CSNK1A1: variants seen among roughly 807,000 people sequenced by gnomAD.
The protein encoded by CSNK1A1 is casein kinase I isoform alpha.
Under a neutral mutation model 46.1 loss-of-function variants are expected in CSNK1A1, and 7 were observed. That is an observed-to-expected ratio of 0.15 (90% confidence interval 0.09 to 0.29). The LOEUF is 0.29. Ranked by LOEUF, CSNK1A1 falls within the 10% of genes least tolerant of loss-of-function variation. The probability of loss-of-function intolerance (pLI) is 1.00; values close to 1 mark genes in which losing one functional copy is unlikely to be tolerated. For missense variants in CSNK1A1, 96 were observed against 417.1 expected (o/e 0.23, Z 6.71); for synonymous variants, 137 against 141.5 (o/e 0.97, Z 0.23).
chr5:149,510,899 T>G (rs183739252), intron 6 of CSNK1A1, among the ~76,000 whole-genome samples: 15 of 152,334 alleles, frequency 9.8e-5, no homozygotes, highest in African/African-American at 3.4e-4. Context: ...AGTCACAATA[T>G]TTTTCTAAAC....
In CSNK1A1 at chr5:149,504,826, AT is replaced by A. The variant is rs1760975276; in HGVS notation, c.1006+620del. 3 of 985,328 alleles carry A rather than the reference AT, an allele frequency of 3.0e-6. No homozygotes were observed. The South Asian group carries it at 1.4e-4, about 46-fold the overall frequency. 61.0% of individuals were successfully genotyped at this position (985,328 alleles called of 1,614,324 possible). On this transcript the variant is annotated intron_variant, in intron 9 of 9. Transcript: ENST00000377843. ...TACGTAAACTGCAAATAAAAGAATT[AT>A]TTTTGTGACTAGAAAAGATGTGCTG...
chr5:149,535,421 T>C (rs1284056261), intron 2 of CSNK1A1, among the ~76,000 whole-genome samples: 2 of 152,232 alleles, frequency 1.3e-5, no homozygotes, highest in South Asian at 2.1e-4. Flanking sequence ...TCCAAAGCCA[T>C]TACCACCCAC....
intron 2 of CSNK1A1, among the ~76,000 whole-genome samples, chr5:149,546,681 G>A (rs1169011305): frequency 1.1e-4 from 17 of 150,616 alleles, no homozygotes; most frequent in African/African-American, 4.1e-4. Flanking sequence ...AGAAAACATA[G>A]GGAAGGGATT....
intron 2 of CSNK1A1, among the ~76,000 whole-genome samples, chr5:149,547,937 C>T (rs985409147): frequency 2.6e-5 from 4 of 151,882 alleles, no homozygotes; most frequent in African/African-American, 9.7e-5. Context: ...GTGGCGCCAT[C>T]TCAGCTTACT....
chr5:149,548,659 G>A (rs1030514187), intron 2 of CSNK1A1, among the ~76,000 whole-genome samples: 10 of 152,158 alleles, frequency 6.6e-5, no homozygotes, highest in East Asian at 1.9e-4. Flanking sequence ...TCAGGAGTTC[G>A]AGCCCAGCCT....
At chr5:149,523,675 CA>C (rs1164264348) in intron 3 of CSNK1A1, among the ~76,000 whole-genome samples, 3 of 152,108 alleles carry the variant, frequency 2.0e-5, no homozygotes, top group Non-Finnish European at 2.9e-5. Context: ...GAATTATAGA[CA>C]AAGTTTTTTC....
chr5:149,512,023 A>T (rs1176564888), intron 5 of CSNK1A1, among the ~76,000 whole-genome samples, 151 bp from the exon 6 acceptor site: 1 of 152,182 alleles, frequency 6.6e-6, no homozygotes, highest in Non-Finnish European at 1.5e-5. Flanking sequence ...AGGTGATTTT[A>T]AAAAGTTCAT....
chr5:149,498,237 T>G (rs575111173), intron 9 of CSNK1A1: 255 of 985,330 alleles, frequency 2.6e-4, no homozygotes, highest in African/African-American at 2.1e-3. Context: ...CTTTTTTTTT[T>G]TGGGAAATAA....
intron 2 of CSNK1A1, among the ~76,000 whole-genome samples, chr5:149,543,204 G>A (rs1762358641): frequency 6.6e-6 from 1 of 152,174 alleles, no homozygotes; most frequent in Admixed American, 6.5e-5. Context: ...GATGTGGAGT[G>A]TGTGAGAGGG....
chr5:149,545,842 A>G, intron 2 of CSNK1A1: 1 of 377,368 alleles, frequency 2.6e-6, no homozygotes, highest in South Asian at 3.3e-5. Flanking sequence ...CTAGAACCGG[A>G]AGCTTCATTT....
At chr5:149,548,590 G>A (rs755277640) in intron 2 of CSNK1A1, among the ~76,000 whole-genome samples, 8 of 151,580 alleles carry the variant, frequency 5.3e-5, no homozygotes, top group Admixed American at 1.3e-4. Flanking sequence ...GCCGGGCACA[G>A]TGGCTCATGC....
chr5:149,514,536 T>G (rs1761338669), intron 4 of CSNK1A1, among the ~76,000 whole-genome samples: 1 of 152,206 alleles, frequency 6.6e-6, no homozygotes, highest in South Asian at 2.1e-4. Flanking sequence ...TGTTCTCTAG[T>G]TACTCCTAAA....
In CSNK1A1 at chr5:149,550,985, G is replaced by C; in HGVS notation, c.-21C>G. On this transcript the variant is annotated 5_prime_UTR_variant, in exon 1 of 10. Transcript: ENST00000377843. This position sits in a 1 kb window ranked among gnomAD's most constrained non-coding sequence, Gnocchi z 4.3. The stretch of plus-strand genomic sequence containing the variant: ...GCCATCCTGAGAGACGAAGATGGAG[G>C]CTGGGGCCAAGCCCCGACACCTCTG... The C allele has an allele frequency of 6.2e-7, 1 of 1,613,550 alleles. No homozygotes were observed. Among genetic ancestry groups the C allele is most frequent in the Non-Finnish European group, 8.5e-7 (1 of 1,179,862 alleles).
At chr5:149,507,876 A>G (rs1015533752) in intron 7 of CSNK1A1, among the ~76,000 whole-genome samples, 1 of 152,160 alleles carries the variant, frequency 6.6e-6, no homozygotes, top group African/African-American at 2.4e-5. Context: ...TTTCTCTATT[A>G]TTAATAATAC....
At chr5:149,539,929 A>T (rs77096568) in intron 2 of CSNK1A1, among the ~76,000 whole-genome samples, 2 of 152,180 alleles carry the variant, frequency 1.3e-5, no homozygotes, top group African/African-American at 4.8e-5. Context: ...CAATGCCTGG[A>T]TAATATTGGA....
chr5:149,499,345 G>A (rs994595805), intron 9 of CSNK1A1: 8 of 765,376 alleles, frequency 1.0e-5, no homozygotes, highest in South Asian at 1.2e-4. Flanking sequence ...GTTGGAGGAT[G>A]TGATGATTAA....
intron 4 of CSNK1A1, among the ~76,000 whole-genome samples, chr5:149,519,876 C>G (rs1242239560): frequency 6.6e-6 from 1 of 152,164 alleles, no homozygotes; most frequent in African/African-American, 2.4e-5. Flanking sequence ...TGTTCCCACA[C>G]TGGCACAAGC....
In CSNK1A1 at chr5:149,550,374, T is replaced by C. The variant is rs1009669350; in HGVS notation, c.124-193A>G. The C allele has an allele frequency of 2.9e-6, 4 of 1,384,734 alleles. No individual in the cohort carries two copies. The allele number at this position is 1,384,734 out of a possible 1,614,324, so 85.8% of individuals were successfully genotyped here. A position where few individuals can be genotyped will look rare whatever the true frequency, so the allele number is the denominator to read the frequency against. ...GCCTCTTCAGGGGGTAGTGACGAAA[T>C]CCGTACGTCCTCTAAAGTGCAGGAA... On this transcript the variant is annotated intron_variant, in intron 1 of 9. Coordinates refer to ENST00000377843, the MANE Select transcript of CSNK1A1 (RefSeq NM_001892.6). This position sits in a 1 kb window ranked among gnomAD's most constrained non-coding sequence, Gnocchi z 4.3.
At position 149,542,680 on chromosome 5, in the gene CSNK1A1, A is replaced by ATG. The variant is rs1762335360; in HGVS notation, c.230+7394_230+7395insCA. On this transcript the variant is annotated intron_variant, in intron 2 of 9. Transcript: ENST00000377843. ...TATATATATATATATATGTATATAT[A>ATG]TATATATATATATTTTTTTTTTTTT... Among the ~76,000 whole-genome samples, 10 of 13,118 alleles carry ATG rather than the reference A, an allele frequency of 7.6e-4. 1 individual carries two copies. In the East Asian group the frequency reaches 0.013, roughly 17 times the overall value. 8.6% of individuals were successfully genotyped at this position (13,118 alleles called of 152,430 possible).
Sources: allele counts gnomAD v4.1 joint callset (sites outside exome capture counted in the v4.1 genomes callset), GRCh38; gene constraint gnomAD v4.1.1; non-coding constraint Gnocchi (gnomAD v3.1); transcripts MANE v1.5; gene names NCBI Gene and HGNC (gene_info 2026-07-23, HGNC 2026-07-21).